RIMS2: variants seen among roughly 807,000 people sequenced by gnomAD.
The protein encoded by RIMS2 is regulating synaptic membrane exocytosis protein 2.
Under a neutral mutation model 174.4 loss-of-function variants are expected in RIMS2, and 59 were observed. That is an observed-to-expected ratio of 0.34 (90% CI 0.27 to 0.42). RIMS2 has a LOEUF of 0.42. Among genes scored for constraint, RIMS2 ranks in the 10% least tolerant of loss-of-function variants. The pLI, the probability that RIMS2 is intolerant of heterozygous loss-of-function variation, is 1.00. For missense variants in RIMS2, 1,620 were observed against 1,666.3 expected (o/e 0.97, Z 0.48); for synonymous variants, 606 against 572.5 (o/e 1.06, Z -0.84).
chr8:103,529,305 C>A (rs545736873), intron 1 of RIMS2, among the ~76,000 whole-genome samples: 1 of 152,266 alleles, frequency 6.6e-6, no homozygotes, highest in South Asian at 2.1e-4. Flanking sequence ...GCTTTGTCTA[C>A]CTACTCAAGC....
chr8:103,759,348 G>A (rs1423671297), intron 2 of RIMS2, among the ~76,000 whole-genome samples: 2 of 152,032 alleles, frequency 1.3e-5, no homozygotes, highest in East Asian at 3.9e-4. Flanking sequence ...GGCGGATCAC[G>A]AGGTCAGGAG....
intron 19 of RIMS2, among the ~76,000 whole-genome samples, chr8:104,195,413 GT>G (rs1473309386): frequency 6.6e-6 from 1 of 151,998 alleles, no homozygotes; most frequent in Non-Finnish European, 1.5e-5. Context: ...ATATTTTGAG[GT>G]TTTGATACCT....
intron 3 of RIMS2, among the ~76,000 whole-genome samples, chr8:103,884,441 G>A (rs1464955086): frequency 2.0e-5 from 3 of 151,858 alleles, no homozygotes; most frequent in Admixed American, 2.0e-4. Context: ...GAAAAGGTTA[G>A]TGTGAATATT....
intron 2 of RIMS2, among the ~76,000 whole-genome samples, chr8:103,737,729 C>T (rs934127460): frequency 1.5e-4 from 23 of 152,144 alleles, no homozygotes; most frequent in Non-Finnish European, 2.4e-4. Context: ...CAAGCCCTTT[C>T]CTACCTAAAG....
intron 2 of RIMS2, among the ~76,000 whole-genome samples, chr8:103,741,753 G>A (rs1353939466): frequency 6.6e-6 from 1 of 152,092 alleles, no homozygotes; most frequent in Non-Finnish European, 1.5e-5. Context: ...CATGCTTTAA[G>A]TTATTTTTAT....
intron 1 of RIMS2, among the ~76,000 whole-genome samples, chr8:103,581,191 C>A (rs1048684738): frequency 1.3e-5 from 2 of 152,048 alleles, no homozygotes; most frequent in Non-Finnish European, 2.9e-5. Flanking sequence ...AAGGACACAA[C>A]AAAATAAGAA....
chr8:103,949,123 T>TAA (rs2084607715), intron 14 of RIMS2, among the ~76,000 whole-genome samples: 1 of 29,902 alleles, frequency 3.3e-5, no homozygotes, highest in African/African-American at 1.7e-4. Context: ...TGAGACTCTG[T>TAA]CAAAAAAAAA....
intron 5 of RIMS2, 140 bp from the exon 9 acceptor site, chr8:103,911,913 G>C (rs2075749976): frequency 5.3e-6 from 3 of 562,568 alleles, no homozygotes; most frequent in Non-Finnish European, 9.1e-6. Context: ...TGAAATGAAA[G>C]CTGGTTTGTG....
At chr8:103,732,977 C>G (rs957289747) in intron 2 of RIMS2, among the ~76,000 whole-genome samples, 2 of 152,020 alleles carry the variant, frequency 1.3e-5, no homozygotes, top group African/African-American at 4.8e-5. Context: ...TTTACTCTTC[C>G]CTTTTCTTTT....
At chr8:103,761,174 TG>T (rs1327997331) in intron 2 of RIMS2, among the ~76,000 whole-genome samples, 1 of 152,194 alleles carries the variant, frequency 6.6e-6, no homozygotes, top group Non-Finnish European at 1.5e-5. Context: ...CATTACTTCA[TG>T]GAATGTGGAG....
chr8:104,252,801 C>G (rs1049004441), downstream of RIMS2: 1 of 152,096 alleles, frequency 6.6e-6, no homozygotes, highest in Non-Finnish European at 1.5e-5. Context: ...TTATGAAGTT[C>G]AATATGTGCA....
In RIMS2 at chr8:103,918,432, T is replaced by A; in HGVS notation, c.2037-9T>A. ...TTTCTGTCTTTCTTTTTTTTTTTAA[T>A]CATTTCAGAGATATACCGCGAATAC... On this transcript the variant is annotated splice_polypyrimidine_tract_variant and intron_variant, in intron 8 of 23. Transcript: ENST00000504942. The A allele has an allele frequency of 6.6e-7, 1 of 1,504,024 alleles. No individual in the cohort carries two copies. The highest frequency in any genetic ancestry group is 1.3e-5 in the South Asian group (1 of 76,812). The allele number at this position is 1,504,024 out of a possible 1,614,324, so 93.2% of individuals were successfully genotyped here. A position where few individuals can be genotyped will look rare whatever the true frequency, so the allele number is the denominator to read the frequency against.
intron 19 of RIMS2, among the ~76,000 whole-genome samples, chr8:104,102,474 A>C (rs2097920983): frequency 1.3e-5 from 2 of 152,218 alleles, no homozygotes; most frequent in Admixed American, 1.3e-4. Context: ...TTGAGATATT[A>C]TCTCTCATGG....
At chr8:103,595,282 A>G (rs1563931000) in intron 1 of RIMS2, among the ~76,000 whole-genome samples, 3 of 151,880 alleles carry the variant, frequency 2.0e-5, no homozygotes, top group Admixed American at 2.0e-4. Context: ...AATCCTCATC[A>G]TATAAACACA....
At chr8:103,608,763 G>T (rs569802027) in intron 1 of RIMS2, among the ~76,000 whole-genome samples, 1 of 152,132 alleles carries the variant, frequency 6.6e-6, no homozygotes, top group Non-Finnish European at 1.5e-5. Flanking sequence ...TCCAGGTGCC[G>T]TCCGTCACCC....
intron 14 of RIMS2, among the ~76,000 whole-genome samples, chr8:103,960,003 C>A (rs973068587): frequency 6.6e-6 from 1 of 151,954 alleles, no homozygotes; most frequent in African/African-American, 2.4e-5. Context: ...TAGCTAAGAT[C>A]AGAGCAGAAC....
At chr8:104,202,554 G>A (rs1349740114) in intron 19 of RIMS2, among the ~76,000 whole-genome samples, 1 of 152,196 alleles carries the variant, frequency 6.6e-6, no homozygotes, top group African/African-American at 2.4e-5. Context: ...AGGCTGACTG[G>A]AAGTTCAAGA....
intron 1 of RIMS2, among the ~76,000 whole-genome samples, chr8:103,563,981 C>T (rs1563796510): frequency 6.6e-6 from 1 of 152,118 alleles, no homozygotes; most frequent in Admixed American, 6.5e-5. Flanking sequence ...AATTACCTTT[C>T]ACTGGTCCCT....
chr8:103,514,384 A>T (rs572805821), intron 1 of RIMS2, among the ~76,000 whole-genome samples: 1 of 152,180 alleles, frequency 6.6e-6, no homozygotes, highest in Non-Finnish European at 1.5e-5. Context: ...GTGATTCCAC[A>T]TGTAGAAAAC....
Sources: gnomAD v4.1 joint callset for allele counts (sites outside exome capture counted in the v4.1 genomes callset) on GRCh38, gnomAD v4.1.1 for gene constraint, MANE v1.5 for transcripts, NCBI Gene and HGNC (gene_info 2026-07-23, HGNC 2026-07-21) for gene names.